The following CD59 variants were observed in gnomAD, a reference collection of about 807,000 sequenced individuals.
The protein encoded by CD59 is CD59 glycoprotein.
CD59 carries 3 observed loss-of-function variants against 7.0 expected under a neutral mutation model. The ratio of observed to expected loss-of-function variants is 0.43; its 90% CI spans 0.19 to 1.10. The LOEUF (loss-of-function observed/expected upper bound fraction) is 1.10, where lower values mean the gene tolerates loss of function less well. Among genes scored for constraint, CD59 ranks in the 50% least tolerant of loss-of-function variants. CD59 has a pLI of 0.29. For missense variants in CD59, 143 were observed against 151.0 expected (o/e 0.95, Z 0.28); for synonymous variants, 60 against 62.0 (o/e 0.97, Z 0.15).
Position 33,707,509 on chromosome 11 carries a change from T to A in CD59, c.*2617A>T, listed in dbSNP as rs1311664913. The A allele has an allele frequency of 6.6e-6, 1 of 152,156 alleles. No homozygotes were observed. The highest frequency in any genetic ancestry group is 2.4e-5 in the African/African-American group (1 of 41,422). 9.4% of individuals were successfully genotyped at this position (152,156 alleles called of 1,614,324 possible). A position where few individuals can be genotyped will look rare whatever the true frequency, so the allele number is the denominator to read the frequency against. On this transcript the variant is annotated 3_prime_UTR_variant, in exon 4 of 4. Transcript: ENST00000642928. ...AGGTGTTCCTTGCACCCCTAGCTCA[T>A]CCCCCCAAGGGGACAATCCAATGGG...
At position 33,709,918 on chromosome 11, in the gene CD59, CTTCTT is replaced by C. The variant is rs1853464427; in HGVS notation, c.*203_*207del. On this transcript the variant is annotated 3_prime_UTR_variant, in exon 4 of 4. Transcript: ENST00000642928. The stretch of plus-strand genomic sequence containing the variant: ...AAGTCACACCTACTTCACTCTTAGA[CTTCTT>C]CCTTCAAGTGGGGCTTCCCTGCAAA... The C allele has an allele frequency of 1.3e-5, 8 of 626,968 alleles. No homozygotes were observed. Among genetic ancestry groups the C allele is most frequent in the Non-Finnish European group, 2.3e-5 (8 of 353,848 alleles). The allele number at this position is 626,968 out of a possible 1,614,324, so 38.8% of individuals were successfully genotyped here. A position where few individuals can be genotyped will look rare whatever the true frequency, so the allele number is the denominator to read the frequency against.
chr11:33,730,001 TTAGA>T lies in CD59; in HGVS notation c.-19+6377_-19+6380del, dbSNP rs372650442. 1.7e-3 allele frequency among the ~76,000 whole-genome samples: 257 copies of T among 152,252 alleles called. 1 individual carries two copies. The highest frequency in any genetic ancestry group is 6.8e-3 in the Middle Eastern group (2 of 294). On this transcript the variant is annotated intron_variant, in intron 1 of 3. Coordinates refer to ENST00000642928, the MANE Select transcript of CD59 (RefSeq NM_000611.6). ...TGGAGATTTGCAATTGAAAAAACTGTTAGATAAACTGCATAGCCTAGAAATATTT... is the reference window on the plus strand; with the variant it reads ...TGGAGATTTGCAATTGAAAAAACTGTTAAACTGCATAGCCTAGAAATATTT...
At chr11:33,733,386 G>A (rs1278228988) in intron 1 of CD59, 1 of 152,284 alleles carries the variant, frequency 6.6e-6, no homozygotes, top group Non-Finnish European at 1.5e-5. Context: ...GGAGGCTGAG[G>A]CGGGTGGATC....
At chr11:33,712,120 T>C (rs1349222282) in intron 3 of CD59, among the ~76,000 whole-genome samples, 1 of 152,238 alleles carries the variant, frequency 6.6e-6, no homozygotes, top group Non-Finnish European at 1.5e-5. Context: ...ATTTGCCACA[T>C]GGATAATTTT....
chr11:33,704,294 A>C lies in CD59; in HGVS notation c.*5832T>G, dbSNP rs1279006028. 6.6e-6 allele frequency: 1 copy of C among 152,224 alleles called. No individual in the cohort carries two copies. Among genetic ancestry groups the C allele is most frequent in the Admixed American group, 6.5e-5 (1 of 15,290 alleles). 9.4% of individuals were successfully genotyped at this position (152,224 alleles called of 1,614,324 possible). A position where few individuals can be genotyped will look rare whatever the true frequency, so the allele number is the denominator to read the frequency against. On this transcript the variant is annotated 3_prime_UTR_variant, in exon 4 of 4. Transcript: ENST00000642928. ...ATAAAATGAAGACAGTATCTACTTC[A>C]TAGGATTGATTTGATGGACATATGT... is the stretch of plus-strand genomic sequence containing the variant.
At chr11:33,710,435 T>C (rs1173824370) in intron 3 of CD59, 92 bp from the exon 4 acceptor site, 1 of 1,036,728 alleles carries the variant, frequency 9.6e-7, no homozygotes, top group Non-Finnish European at 1.5e-6. Flanking sequence ...ATGTATCCTG[T>C]GCAAGTAGAG....
At chr11:33,734,843 T>C (rs1455465325) in intron 1 of CD59, among the ~76,000 whole-genome samples, 2 of 152,218 alleles carry the variant, frequency 1.3e-5, no homozygotes, top group African/African-American at 2.4e-5. Flanking sequence ...CCCAGAATTT[T>C]CCATGCTCTA....
At chr11:33,730,159 T>C (rs1854373928) in intron 1 of CD59, among the ~76,000 whole-genome samples, 1 of 152,020 alleles carries the variant, frequency 6.6e-6, no homozygotes, top group Non-Finnish European at 1.5e-5. Flanking sequence ...CCAGGCATGG[T>C]GGATCTTGCC....
chr11:33,716,587 AG>A (rs1853802365), intron 3 of CD59, among the ~76,000 whole-genome samples: 1 of 152,226 alleles, frequency 6.6e-6, no homozygotes, highest in East Asian at 1.9e-4. Flanking sequence ...GCAAGAACAG[AG>A]GGCATGTCTT....
In CD59 at chr11:33,709,661, T is replaced by C. The variant is rs191085190; in HGVS notation, c.*465A>G. 922 of 237,080 alleles carry C rather than the reference T, an allele frequency of 3.9e-3. 5 individuals carry two copies. Among genetic ancestry groups the C allele is most frequent in the Admixed American group, 0.01 (196 of 19,406 alleles). The allele number at this position is 237,080 out of a possible 1,614,324, so 14.7% of individuals were successfully genotyped here. A position where few individuals can be genotyped will look rare whatever the true frequency, so the allele number is the denominator to read the frequency against. ...TGACTGACACCCACATATGGAACAT[T>C]TGGCATGCCTCCATGGCAACACGGG... is the stretch of plus-strand genomic sequence containing the variant. On this transcript the variant is annotated 3_prime_UTR_variant, in exon 4 of 4. Transcript: ENST00000642928.
rs758095639 is a variant in CD59, at chr11:33,710,239, C to A, written c.274G>T (p.Asp92Tyr). Residue 92 changes from aspartate (D) to tyrosine (Y), a missense_variant, in exon 4 of 4, where the codon GAC (aspartate) becomes TAC (tyrosine). Coordinates refer to ENST00000642928, the MANE Select transcript of CD59 (RefSeq NM_000611.6). ...NELTYYCCKK[D>Y]LCNFNEQLEN... Reference sequence around the variant, plus strand: ...AGCTGTTCGTTAAAGTTACACAGGTCCTTCTTGCAGCAGTAGTACGTTAGC... The same window carrying A: ...AGCTGTTCGTTAAAGTTACACAGGTACTTCTTGCAGCAGTAGTACGTTAGC... 6.2e-7 allele frequency: 1 copy of A among 1,614,112 alleles called. No homozygotes were observed. The highest frequency in any genetic ancestry group is 8.5e-7 in the Non-Finnish European group (1 of 1,179,986).
intron 1 of CD59, among the ~76,000 whole-genome samples, chr11:33,732,082 G>A (rs1291992026): frequency 6.6e-6 from 1 of 152,156 alleles, no homozygotes; most frequent in African/African-American, 2.4e-5. Flanking sequence ...AGTAAGACGT[G>A]CCTTTCACCC....
intron 3 of CD59, among the ~76,000 whole-genome samples, chr11:33,713,711 T>G (rs1409665626): frequency 6.6e-6 from 1 of 152,202 alleles, no homozygotes; most frequent in African/African-American, 2.4e-5. Flanking sequence ...GAACAGACAG[T>G]AATTTATGAA....
In CD59 at chr11:33,703,561, T is replaced by C. The variant is rs1488379407; in HGVS notation, c.*6565A>G. On this transcript the variant is annotated 3_prime_UTR_variant, in exon 4 of 4. Coordinates refer to ENST00000642928, the MANE Select transcript of CD59 (RefSeq NM_000611.6). ...ACTGAGAGACACAAGTCCCTCTTCG[T>C]TGATCAGGGTCAGTTGAAAGATGTA... The C allele has an allele frequency of 2.0e-5, 3 of 152,282 alleles. No homozygotes were observed. Among genetic ancestry groups the C allele is most frequent in the East Asian group, 1.9e-4 (1 of 5,206 alleles). The allele number at this position is 152,282 out of a possible 1,614,324, so 9.4% of individuals were successfully genotyped here. A position where few individuals can be genotyped will look rare whatever the true frequency, so the allele number is the denominator to read the frequency against.
chr11:33,734,378 G>C lies in CD59; in HGVS notation c.-19+2004C>G, dbSNP rs1454151919. Among the ~76,000 whole-genome samples the C allele has an allele frequency of 2.6e-5, 4 of 152,312 alleles. No homozygotes were observed. In the South Asian group the frequency reaches 8.3e-4, roughly 32 times the overall value. On this transcript the variant is annotated intron_variant, in intron 1 of 3. Coordinates refer to ENST00000642928, the MANE Select transcript of CD59 (RefSeq NM_000611.6). Reference sequence around the variant, plus strand: ...GTGCAGATTTGTTTCATAGGTAAACGTGTACCATGGTGGTTTGCTGCACCT... The same window carrying C: ...GTGCAGATTTGTTTCATAGGTAAACCTGTACCATGGTGGTTTGCTGCACCT...
chr11:33,710,904 T>G, intron 3 of CD59, among the ~76,000 whole-genome samples: 1 of 151,694 alleles, frequency 6.6e-6, no homozygotes, highest in East Asian at 1.9e-4. Flanking sequence ...GAAAAAAACC[T>G]GAAAAACCCA....
At position 33,706,761 on chromosome 11, in the gene CD59, G is replaced by C. The variant is rs1397818449; in HGVS notation, c.*3365C>G. 6.6e-6 allele frequency: 1 copy of C among 152,172 alleles called. No individual in the cohort carries two copies. Among genetic ancestry groups the C allele is most frequent in the Non-Finnish European group, 1.5e-5 (1 of 68,038 alleles). The allele number at this position is 152,172 out of a possible 1,614,324, so 9.4% of individuals were successfully genotyped here. A position where few individuals can be genotyped will look rare whatever the true frequency, so the allele number is the denominator to read the frequency against. ...TTACAGGAAGGCCTAACTACGTCCT[G>C]TTCACCTCATGCTATTGGGTAACTT... is the stretch of plus-strand genomic sequence containing the variant. On this transcript the variant is annotated 3_prime_UTR_variant, in exon 4 of 4. Coordinates refer to ENST00000642928, the MANE Select transcript of CD59 (RefSeq NM_000611.6).
At chr11:33,717,270 T>C (rs1414700575) in intron 3 of CD59, 100 bp downstream of exon 3, 1 of 734,232 alleles carries the variant, frequency 1.4e-6, no homozygotes, top group Non-Finnish European at 2.5e-6. Context: ...ATGGTAGCTA[T>C]TACTTGATGC....
At chr11:33,730,976 G>C (rs1041403223) in intron 1 of CD59, among the ~76,000 whole-genome samples, 1 of 152,164 alleles carries the variant, frequency 6.6e-6, no homozygotes, top group African/African-American at 2.4e-5. Flanking sequence ...GTACAGAACT[G>C]TAATGGATTT....
Sources: gnomAD v4.1 joint callset for allele counts (sites outside exome capture counted in the v4.1 genomes callset) on GRCh38, gnomAD v4.1.1 for gene constraint, MANE v1.5 for transcripts, NCBI Gene and HGNC (gene_info 2026-07-23, HGNC 2026-07-21) for gene names.